Variants in MRE11 observed in about 807,000 individuals in gnomAD.
MRE11 encodes double-strand break repair protein MRE11.
Under a neutral mutation model 91.7 loss-of-function variants are expected in MRE11, and 62 were observed. The observed-to-expected ratio is 0.68, with a 90% CI of 0.55 to 0.84. The LOEUF (loss-of-function observed/expected upper bound fraction) is 0.84. MRE11 is among the 40% of genes least tolerant of loss of function. MRE11 has a pLI of 0.00. For synonymous variants in MRE11, 273 were observed against 271.4 expected (o/e 1.01, Z -0.06); for missense variants, 796 against 852.9 (o/e 0.93, Z 0.83).
chr11:94,476,912 G>T (rs1000471854), intron 6 of MRE11, among the ~76,000 whole-genome samples: 25 of 152,058 alleles, frequency 1.6e-4, no homozygotes, highest in African/African-American at 5.3e-4. Context: ...TAGAGATGGG[G>T]TTTTGCCACG....
At chr11:94,470,130 C>T (rs1946667545) in intron 9 of MRE11, among the ~76,000 whole-genome samples, 2 of 152,026 alleles carry the variant, frequency 1.3e-5, no homozygotes, top group East Asian at 1.9e-4. Flanking sequence ...GTCTCCCATT[C>T]CTCAATCAAA....
chr11:94,453,472 C>T (rs974804024), intron 14 of MRE11, among the ~76,000 whole-genome samples: 3 of 152,136 alleles, frequency 2.0e-5, no homozygotes, highest in Non-Finnish European at 2.9e-5. Context: ...ACATTCTTGC[C>T]GAAACTTGTT....
chr11:94,451,888 T>C (rs1400604529), intron 14 of MRE11, among the ~76,000 whole-genome samples: 1 of 151,946 alleles, frequency 6.6e-6, no homozygotes, highest in Admixed American at 6.6e-5. Context: ...TTCAAGTGAG[T>C]GCTCTTACAA....
intron 16 of MRE11, among the ~76,000 whole-genome samples, chr11:94,443,918 A>ATTT (rs71036324): frequency 1.5e-5 from 2 of 135,170 alleles, no homozygotes; most frequent in Admixed American, 7.4e-5. Flanking sequence ...CCTTCAACCA[A>ATTT]TTTTTTTTTT....
chr11:94,430,020 G>A (rs914228149), intron 18 of MRE11, 34 bp from the exon 19 acceptor site: 1 of 1,603,342 alleles, frequency 6.2e-7, no homozygotes, highest in African/African-American at 1.3e-5. Context: ...CAAACACAAT[G>A]AACTACATAA....
chr11:94,438,596 T>C (rs1243291261), intron 16 of MRE11, among the ~76,000 whole-genome samples: 2 of 152,224 alleles, frequency 1.3e-5, no homozygotes, highest in African/African-American at 4.8e-5. Context: ...TCTGAGATCC[T>C]AGAAAACAAG....
At chr11:94,479,423 C>CGTA in intron 5 of MRE11, among the ~76,000 whole-genome samples, 1 of 152,278 alleles carries the variant, frequency 6.6e-6, no homozygotes, top group South Asian at 2.1e-4. Context: ...TAGGTGTTCA[C>CGTA]TCCTACTCCT....
chr11:94,487,141 G>A (rs968301001), intron 3 of MRE11, among the ~76,000 whole-genome samples: 5 of 152,154 alleles, frequency 3.3e-5, no homozygotes, highest in African/African-American at 1.2e-4. Context: ...GTTGCTTAAT[G>A]GGTGTCATTT....
chr11:94,499,198 C>T, the MRE11 span: 1 of 153,020 alleles, frequency 6.5e-6, no homozygotes, highest in Non-Finnish European at 1.5e-5. Flanking sequence ...CTACCTCACC[C>T]TGGTCAACCT....
In MRE11 at chr11:94,417,385, G is replaced by A. The variant is rs924481523; in HGVS notation, c.*2740C>T. 1 of 231,096 alleles carries A rather than the reference G, an allele frequency of 4.3e-6. No individual in the cohort carries two copies. Among genetic ancestry groups the A allele is most frequent in the Non-Finnish European group, 8.6e-6 (1 of 116,926 alleles). 14.3% of individuals were successfully genotyped at this position (231,096 alleles called of 1,614,324 possible). On this transcript the variant is annotated 3_prime_UTR_variant, in exon 20 of 20. Coordinates refer to ENST00000323929, the MANE Select transcript of MRE11 (RefSeq NM_005591.4). Reference sequence around the variant, plus strand: ...ACTTTATAGGCAAATTTATCAAGCTGGTAAATTCCATAACAGGCTGAACCA... The same window carrying A: ...ACTTTATAGGCAAATTTATCAAGCTAGTAAATTCCATAACAGGCTGAACCA...
the MRE11 span, among the ~76,000 whole-genome samples, chr11:94,505,303 T>A: frequency 6.6e-6 from 1 of 152,180 alleles, no homozygotes; most frequent in Admixed American, 6.5e-5. Flanking sequence ...GACATAGGAA[T>A]AACTCCATAA....
At chr11:94,467,511 G>A (rs1344217249) in intron 10 of MRE11, among the ~76,000 whole-genome samples, 1 of 152,128 alleles carries the variant, frequency 6.6e-6, no homozygotes, top group Non-Finnish European at 1.5e-5. Flanking sequence ...GAAACTGCGA[G>A]AAGGCCAAGA....
intron 9 of MRE11, among the ~76,000 whole-genome samples, chr11:94,470,038 C>T (rs980567941): frequency 6.6e-6 from 1 of 152,052 alleles, no homozygotes; most frequent in Non-Finnish European, 1.5e-5. Context: ...ACATTTTTCA[C>T]ATTTCATTTG....
At chr11:94,463,412 C>T (rs563179988) in intron 11 of MRE11, among the ~76,000 whole-genome samples, 38 of 152,218 alleles carry the variant, frequency 2.5e-4, no homozygotes, top group African/African-American at 9.2e-4. Flanking sequence ...ACCATTTGAC[C>T]CAGCCATCCC....
At chr11:94,434,938 A>T (rs1945563544) in intron 18 of MRE11, among the ~76,000 whole-genome samples, 1 of 152,240 alleles carries the variant, frequency 6.6e-6, no homozygotes, top group African/African-American at 2.4e-5. Flanking sequence ...AAGGCAGTTG[A>T]TTACTTTATT....
the MRE11 span, among the ~76,000 whole-genome samples, chr11:94,505,061 A>G: frequency 6.6e-6 from 1 of 152,236 alleles, no homozygotes; most frequent in Non-Finnish European, 1.5e-5. Context: ...GGTGATGCTA[A>G]ATGTAAACAA....
At chr11:94,459,307 A>C in intron 13 of MRE11, 101 bp downstream of exon 13, 1 of 1,224,804 alleles carries the variant, frequency 8.2e-7, no homozygotes, top group East Asian at 2.4e-5. Context: ...AAACTAAACA[A>C]ATCAGAGAGG....
At chr11:94,466,630 T>C (rs559875951) in intron 10 of MRE11, 6 of 376,152 alleles carry the variant, frequency 1.6e-5, no homozygotes, top group South Asian at 7.5e-5. Context: ...CAACTAGTGG[T>C]TGGGCCAGAA....
Position 94,415,648 on chromosome 11 carries a change from G to A in MRE11, c.*4477C>T, listed in dbSNP as rs1945018908. 1 of 152,024 alleles carries A rather than the reference G, an allele frequency of 6.6e-6. No homozygotes were observed. The highest frequency in any genetic ancestry group is 2.4e-5 in the African/African-American group (1 of 41,370). 9.4% of individuals were successfully genotyped at this position (152,024 alleles called of 1,614,324 possible). On this transcript the variant is annotated 3_prime_UTR_variant, in exon 20 of 20. Transcript: ENST00000323929. ...ACAATAACATTTAAAACACACAACG[G>A]GAAGCAGCGCAGTTATCTCTCAAAA... is the stretch of plus-strand genomic sequence containing the variant.
Sources: allele counts gnomAD v4.1 joint callset (sites outside exome capture counted in the v4.1 genomes callset), GRCh38; gene constraint gnomAD v4.1.1; transcripts MANE v1.5; gene names NCBI Gene and HGNC (gene_info 2026-07-23, HGNC 2026-07-21).